ADAMTS7: variants seen among roughly 807,000 people sequenced by gnomAD.
ADAMTS7 encodes the protein A disintegrin and metalloproteinase with thrombospondin motifs 7.
ADAMTS7 carries 89 observed loss-of-function variants against 172.6 expected under a neutral mutation model. That is an observed-to-expected ratio of 0.52 (90% CI 0.43 to 0.61). ADAMTS7 has a LOEUF of 0.61. Ranked by LOEUF, ADAMTS7 falls within the 20% of genes least tolerant of loss-of-function variation. The pLI is 0.00. For missense variants in ADAMTS7, 1,973 were observed against 2,355.6 expected (o/e 0.84, Z 3.36); for synonymous variants, 885 against 978.4 (o/e 0.90, Z 1.78).
rs147508506 is a variant in ADAMTS7, at chr15:78,764,172, G to A, written c.4420-73C>T. On this transcript the variant is annotated intron_variant, in intron 20 of 23. Transcript: ENST00000388820. ...CAGGCGTGACCCCGTGAGGTGTGTG[G>A]CGGGAAAGGCATCCAGGCCCACGCC... is the stretch of plus-strand genomic sequence containing the variant. 5,063 of 1,376,402 alleles carry A rather than the reference G, an allele frequency of 3.7e-3. 15 individuals are homozygous for A. The highest frequency in any genetic ancestry group is 3.9e-3 in the Non-Finnish European group (4,184 of 1,061,474). The allele number at this position is 1,376,402 out of a possible 1,614,324, so 85.3% of individuals were successfully genotyped here.
At chr15:78,776,484 T>C (rs1174798492) in intron 10 of ADAMTS7, 151 bp from the exon 11 acceptor site, 1 of 1,224,596 alleles carries the variant, frequency 8.2e-7, no homozygotes, top group African/African-American at 1.5e-5. Flanking sequence ...ATCACAATCA[T>C]CTGTGACCCA....
intron 1 of ADAMTS7, among the ~76,000 whole-genome samples, chr15:78,809,568 C>T (rs1168968318): frequency 6.6e-6 from 1 of 152,216 alleles, no homozygotes. Flanking sequence ...ATTGTAGTCA[C>T]TGTGTCCTGC....
chr15:78,763,169 A>G (rs2055077587), intron 22 of ADAMTS7, among the ~76,000 whole-genome samples: 1 of 152,216 alleles, frequency 6.6e-6, no homozygotes, highest in Non-Finnish European at 1.5e-5. Context: ...GTGACCCAGC[A>G]ACGCAAAGCA....
rs772757986 is a variant in ADAMTS7 at position 78,800,522 on chromosome 15, T to C, written c.126A>G (p.Ala42=). 1 of 1,602,982 alleles carries C rather than the reference T, an allele frequency of 6.2e-7. No homozygotes were observed. The highest frequency in any genetic ancestry group is 2.3e-5 in the East Asian group (1 of 44,392). Residue 42 remains alanine (A), a synonymous_variant, in exon 2 of 24, where the codon GCA becomes GCG. Transcript: ENST00000388820. ...CTCGAACCGGGTGCACGATGTCCAGTGCCGCCCGGCCCTCGGTTGCACGTC... is the reference window on the plus strand; with the variant it reads ...CTCGAACCGGGTGCACGATGTCCAGCGCCGCCCGGCCCTCGGTTGCACGTC... The part of the protein sequence containing the change: ...APGRATEGRA[A]LDIVHPVRVD...
intron 11 of ADAMTS7, 34 bp downstream of exon 11, chr15:78,776,154 C>T: frequency 6.3e-7 from 1 of 1,586,652 alleles, no homozygotes. Flanking sequence ...CCCTCTGTCC[C>T]ACTGCCCAAG....
chr15:78,788,137 C>G, intron 8 of ADAMTS7, 94 bp downstream of exon 8: 3 of 1,527,966 alleles, frequency 2.0e-6, no homozygotes, highest in Non-Finnish European at 2.7e-6. Context: ...CTGCTTCCCT[C>G]TACCCCGGCC....
chr15:78,771,636 G>T lies in ADAMTS7; in HGVS notation c.2325C>A (p.Asn775Lys). 4 of 1,602,080 alleles carry T rather than the reference G, an allele frequency of 2.5e-6. No individual in the cohort carries two copies. The highest frequency in any genetic ancestry group is 3.4e-6 in the Non-Finnish European group (4 of 1,179,752). The part of the protein sequence containing the change: ...GTTFTYARRG[N>K]WENLTSPGPT... ...GACCCGGGGACGTGAGGTTCTCCCA[G>T]TTGCCCCTGCGTGCGTATGTGAAGG... The change falls in exon 15 of 24, where the codon AAC (asparagine) becomes AAA (lysine). Residue 775 changes from asparagine (N) to lysine (K), a missense_variant. Coordinates refer to ENST00000388820, the MANE Select transcript of ADAMTS7 (RefSeq NM_014272.5). The surrounding 1 kb of genome is among the most constrained non-coding windows in gnomAD (Gnocchi z 4.9).
In ADAMTS7 at chr15:78,763,918, G is replaced by T. The variant is rs777170764; in HGVS notation, c.4593+8C>A. On this transcript the variant is annotated splice_region_variant and intron_variant, in intron 21 of 23. Coordinates refer to ENST00000388820, the MANE Select transcript of ADAMTS7 (RefSeq NM_014272.5). The stretch of plus-strand genomic sequence containing the variant: ...TCCCCTCCCCCCAACTCAACGGCCA[G>T]GCCTCACCTCCCTCCAGGAAGATGT... The T allele has an allele frequency of 3.2e-6, 5 of 1,553,208 alleles. No homozygotes were observed. In the East Asian group the frequency reaches 1.2e-4, roughly 36 times the overall value.
At chr15:78,810,947 GCCCGGCC>G in intron 1 of ADAMTS7, 167 bp downstream of exon 1, 1 of 693,112 alleles carries the variant, frequency 1.4e-6, no homozygotes, top group Non-Finnish European at 2.0e-6. Context: ...TTCGCTCCCG[GCCCGGCC>G]CGACCCCGAC....
At chr15:78,767,667 G>C in intron 17 of ADAMTS7, 75 bp from the exon 18 acceptor site, 3 of 1,393,454 alleles carry the variant, frequency 2.2e-6, no homozygotes, top group Non-Finnish European at 2.9e-6. Context: ...GGGGGGGCCA[G>C]GCTGGGCTTC....
rs554572568 is a variant in ADAMTS7, at chr15:78,776,868, C to G, written c.1468-27G>C. The stretch of plus-strand genomic sequence containing the variant: ...TGCGAGGAGGAGGGCATGGGCCATA[C>G]CCTCACACCCTCCCCAGTGCCGCCA... On this transcript the variant is annotated intron_variant, in intron 9 of 23. Transcript: ENST00000388820. 8.4e-5 allele frequency: 127 copies of G among 1,512,048 alleles called. 1 individual carries two copies. The East Asian group carries it at 9.0e-4, about 11-fold the overall frequency. 93.7% of individuals were successfully genotyped at this position (1,512,048 alleles called of 1,614,324 possible). A position where few individuals can be genotyped will look rare whatever the true frequency, so the allele number is the denominator to read the frequency against.
intron 1 of ADAMTS7, among the ~76,000 whole-genome samples, chr15:78,810,313 G>A (rs2055847778): frequency 6.6e-6 from 1 of 152,244 alleles, no homozygotes; most frequent in African/African-American, 2.4e-5. Context: ...TCCCCTGACT[G>A]GGAGCTCCCT....
intron 8 of ADAMTS7, among the ~76,000 whole-genome samples, chr15:78,781,703 TG>T (rs2055431317): frequency 6.6e-6 from 1 of 152,192 alleles, no homozygotes; most frequent in African/African-American, 2.4e-5. Context: ...GGGGGTGCTG[TG>T]GGGGCAGCTA....
At chr15:78,799,695 C>T (rs1300301824) in intron 2 of ADAMTS7, among the ~76,000 whole-genome samples, 1 of 152,148 alleles carries the variant, frequency 6.6e-6, no homozygotes, top group Non-Finnish European at 1.5e-5. Context: ...TCTGGACCTG[C>T]ATCTTCAATA....
chr15:78,784,227 T>C (rs1195992009), intron 8 of ADAMTS7, among the ~76,000 whole-genome samples: 2 of 151,790 alleles, frequency 1.3e-5, no homozygotes, highest in East Asian at 3.9e-4. Context: ...TAGCTGGGTG[T>C]GGTGGCACAC....
At chr15:78,776,631 G>A (rs35772875) in intron 10 of ADAMTS7, 118 bp downstream of exon 10, 117 of 1,090,406 alleles carry the variant, frequency 1.1e-4, no homozygotes, top group Admixed American at 2.3e-4. Context: ...TGCAGAGAGC[G>A]TGGGGCTCTG....
chr15:78,791,697 A>G (rs1006606643), intron 4 of ADAMTS7, among the ~76,000 whole-genome samples: 1 of 152,170 alleles, frequency 6.6e-6, no homozygotes, highest in African/African-American at 2.4e-5. Context: ...GCACCCTCCA[A>G]TGAGGCATAG....
chr15:78,782,147 T>TC (rs773069200), intron 8 of ADAMTS7, among the ~76,000 whole-genome samples: 34 of 152,094 alleles, frequency 2.2e-4, no homozygotes, highest in East Asian at 1.5e-3. Context: ...TTCTCCTGCC[T>TC]AGCCTCCCGA....
chr15:78,774,950 C>G (rs930757762), intron 11 of ADAMTS7, among the ~76,000 whole-genome samples, 157 bp from the exon 12 acceptor site: 5 of 152,234 alleles, frequency 3.3e-5, no homozygotes, highest in African/African-American at 1.2e-4. Context: ...TGCCCACCCT[C>G]TGGCCCAGAC....
Sources: gnomAD v4.1 joint callset for allele counts (sites outside exome capture counted in the v4.1 genomes callset) on GRCh38, gnomAD v4.1.1 for gene constraint, Gnocchi (gnomAD v3.1) non-coding constraint, MANE v1.5 for transcripts, NCBI Gene and HGNC (gene_info 2026-07-23, HGNC 2026-07-21) for gene names.